The following CHN1 variants were observed in gnomAD, a reference collection of about 807,000 sequenced individuals.
CHN1 encodes N-chimaerin.
In CHN1, 37 loss-of-function variants were observed where a neutral mutation model predicts 59.5. That is an observed-to-expected ratio of 0.62 (90% confidence interval 0.48 to 0.82). CHN1 has a LOEUF of 0.82. CHN1 is among the 40% of genes least tolerant of loss of function. The pLI is 0.00. For missense variants in CHN1, 469 were observed against 571.0 expected, an observed-to-expected ratio of 0.82 and a Z score of 1.82; for synonymous variants, 206 against 200.4, an observed-to-expected ratio of 1.03 and a Z score of -0.24.
At chr2:174,824,897 A>G (rs1009322470) in intron 7 of CHN1, among the ~76,000 whole-genome samples, 4 of 152,222 alleles carry the variant, frequency 2.6e-5, no homozygotes, top group Non-Finnish European at 2.9e-5. Context: ...GGTGTGAGCC[A>G]CTGCACCCAG....
chr2:174,842,470 C>CAA (rs1336508205), intron 7 of CHN1, among the ~76,000 whole-genome samples: 1 of 152,062 alleles, frequency 6.6e-6, no homozygotes, highest in Non-Finnish European at 1.5e-5. Context: ...TCACAATACA[C>CAA]TATAATTAAG....
chr2:174,960,377 T>TA (rs1460692565), intron 1 of CHN1, among the ~76,000 whole-genome samples: 1 of 152,228 alleles, frequency 6.6e-6, no homozygotes, highest in East Asian at 1.9e-4. Context: ...AGTTTGAAGA[T>TA]ACCTGGACTA....
intron 7 of CHN1, among the ~76,000 whole-genome samples, chr2:174,846,046 C>T (rs1686499892): frequency 6.6e-6 from 1 of 152,154 alleles, no homozygotes; most frequent in African/African-American, 2.4e-5. Context: ...AACCGCATCA[C>T]AAAGTTGTCT....
intron 1 of CHN1, among the ~76,000 whole-genome samples, chr2:174,952,491 AAT>A (rs1690052880): frequency 6.6e-6 from 1 of 152,338 alleles, no homozygotes; most frequent in Admixed American, 6.5e-5. Context: ...TCACTGAAGT[AAT>A]AGTCAATAAA....
At chr2:174,836,091 C>G (rs201930226) in intron 7 of CHN1, among the ~76,000 whole-genome samples, 1 of 152,192 alleles carries the variant, frequency 6.6e-6, no homozygotes, top group Non-Finnish European at 1.5e-5. Context: ...ACCTCCCCCA[C>G]GACCCCACCC....
At chr2:174,879,916 G>T (rs536215313) in intron 5 of CHN1, among the ~76,000 whole-genome samples, 2 of 152,166 alleles carry the variant, frequency 1.3e-5, no homozygotes, top group South Asian at 4.1e-4. Context: ...GGGGGGCACA[G>T]GGCATGAAGG....
intron 1 of CHN1, among the ~76,000 whole-genome samples, chr2:174,986,081 C>CT (rs1452523696): frequency 6.6e-6 from 1 of 152,056 alleles, no homozygotes; most frequent in Non-Finnish European, 1.5e-5. Context: ...TTAGATTATT[C>CT]TAAATCATGT....
intron 3 of CHN1, among the ~76,000 whole-genome samples, chr2:174,934,914 T>G (rs181640122): frequency 1.3e-5 from 2 of 152,194 alleles, no homozygotes; most frequent in Non-Finnish European, 2.9e-5. Flanking sequence ...TTCTTTTCAC[T>G]TATCACAAGG....
At chr2:174,909,601 G>A (rs773987590) in intron 5 of CHN1, among the ~76,000 whole-genome samples, 3 of 152,188 alleles carry the variant, frequency 2.0e-5, no homozygotes, top group Non-Finnish European at 4.4e-5. Flanking sequence ...TTTGACACAA[G>A]GAAAACCAAC....
intron 6 of CHN1, among the ~76,000 whole-genome samples, chr2:174,869,946 T>C (rs1687352724): frequency 6.6e-6 from 1 of 152,184 alleles, no homozygotes; most frequent in Non-Finnish European, 1.5e-5. Flanking sequence ...CCCCTGTTTT[T>C]GGAGGGAAAT....
At chr2:174,944,140 C>T (rs1274091611) in intron 3 of CHN1, among the ~76,000 whole-genome samples, 1 of 152,102 alleles carries the variant, frequency 6.6e-6, no homozygotes, top group African/African-American at 2.4e-5. Context: ...TCTGCTATTA[C>T]TAACAATCCT....
At chr2:174,825,400 A>G (rs955944412) in intron 7 of CHN1, among the ~76,000 whole-genome samples, 5 of 152,216 alleles carry the variant, frequency 3.3e-5, no homozygotes, top group Admixed American at 3.3e-4. Context: ...TTTATCAGGA[A>G]CCTCGTTTGA....
intron 1 of CHN1, among the ~76,000 whole-genome samples, chr2:174,961,447 C>T (rs1558999570): frequency 1.3e-5 from 2 of 151,372 alleles, no homozygotes; most frequent in African/African-American, 2.4e-5. Flanking sequence ...CAAAATTAGC[C>T]GGGCATGGTT....
intron 5 of CHN1, among the ~76,000 whole-genome samples, chr2:174,888,487 G>A (rs1219479954): frequency 6.6e-6 from 1 of 152,084 alleles, no homozygotes; most frequent in Non-Finnish European, 1.5e-5. Context: ...GGCAATATGG[G>A]GTTTTGAGGG....
At position 174,829,298 on chromosome 2, in the gene CHN1, G is replaced by A. The variant is rs144287901; in HGVS notation, c.628-4780C>T. Among the ~76,000 whole-genome samples the A allele has an allele frequency of 3.3e-3, 503 of 152,328 alleles. 2 individuals carry two copies. Among genetic ancestry groups the A allele is most frequent in the Admixed American group, 5.9e-3 (91 of 15,304 alleles). On this transcript the variant is annotated intron_variant, in intron 7 of 12. Coordinates refer to ENST00000409900, the MANE Select transcript of CHN1 (RefSeq NM_001822.7). ...GCATTGGTCAGAAGCAGGCTGCAAA[G>A]GACAGGGTGGGAAAGGGTGGGCTAT... is the stretch of plus-strand genomic sequence containing the variant.
At chr2:174,975,255 A>C (rs976959211) in intron 1 of CHN1, among the ~76,000 whole-genome samples, 2 of 152,190 alleles carry the variant, frequency 1.3e-5, no homozygotes, top group Non-Finnish European at 2.9e-5. Context: ...GGTTCTTTGC[A>C]TGTGTGTTTG....
chr2:174,924,039 T>A (rs1453671417), intron 3 of CHN1, among the ~76,000 whole-genome samples: 2 of 152,154 alleles, frequency 1.3e-5, no homozygotes, highest in Non-Finnish European at 2.9e-5. Flanking sequence ...GGGATCACAA[T>A]ATACTACCCT....
At chr2:174,836,154 C>A (rs1686069770) in intron 7 of CHN1, among the ~76,000 whole-genome samples, 1 of 152,174 alleles carries the variant, frequency 6.6e-6, no homozygotes. Flanking sequence ...TTGGACTCCC[C>A]CTCCATGTGC....
chr2:174,802,566 A>T (rs1055731382), intron 11 of CHN1, among the ~76,000 whole-genome samples: 2 of 152,268 alleles, frequency 1.3e-5, no homozygotes, highest in African/African-American at 4.8e-5. Flanking sequence ...CTTAATTTGA[A>T]TGTTTTAGTT....
Sources: allele counts gnomAD v4.1 joint callset (sites outside exome capture counted in the v4.1 genomes callset), GRCh38; gene constraint gnomAD v4.1.1; transcripts MANE v1.5; gene names NCBI Gene and HGNC (gene_info 2026-07-23, HGNC 2026-07-21).